The following STK32B variants were observed in gnomAD, a reference collection of about 807,000 sequenced individuals.
STK32B encodes serine/threonine kinase 32B.
Under a neutral mutation model 52.6 loss-of-function variants are expected in STK32B, and 43 were observed. That is an observed-to-expected ratio of 0.82 (90% CI 0.64 to 1.05). The LOEUF is 1.05. Among genes scored for constraint, STK32B ranks in the 50% least tolerant of loss-of-function variants. The probability of loss-of-function intolerance (pLI) is 0.00; values close to 1 mark genes in which losing one functional copy is unlikely to be tolerated. For synonymous variants in STK32B, 238 were observed against 204.3 expected, an observed-to-expected ratio of 1.17 and a Z score of -1.41; for missense variants, 621 against 534.6, an observed-to-expected ratio of 1.16 and a Z score of -1.59.
chr4:5,487,473 C>A (rs1237059815), intron 11 of STK32B, among the ~76,000 whole-genome samples: 1 of 152,182 alleles, frequency 6.6e-6, no homozygotes, highest in African/African-American at 2.4e-5. Flanking sequence ...TTTGAACTCA[C>A]AGCCGAAGCC....
chr4:5,238,960 C>T (rs555371021), intron 3 of STK32B, among the ~76,000 whole-genome samples: 1 of 152,306 alleles, frequency 6.6e-6, no homozygotes. Flanking sequence ...AAGAGGCATT[C>T]CTTAATGCTT....
At chr4:5,194,050 C>T (rs539627254) in intron 3 of STK32B, among the ~76,000 whole-genome samples, 6 of 152,286 alleles carry the variant, frequency 3.9e-5, no homozygotes, top group South Asian at 4.1e-4. Flanking sequence ...TCAGGGAGGC[C>T]GTCCCAAACC....
chr4:5,488,071 A>G (rs1028482491), intron 11 of STK32B, among the ~76,000 whole-genome samples: 7 of 152,186 alleles, frequency 4.6e-5, no homozygotes, highest in African/African-American at 9.6e-5. Flanking sequence ...CAGAGTTACA[A>G]CCTGATAACC....
intron 3 of STK32B, among the ~76,000 whole-genome samples, chr4:5,330,452 A>G (rs747114769): frequency 5.3e-5 from 8 of 152,208 alleles, no homozygotes; most frequent in Non-Finnish European, 1.2e-4. Context: ...AAAACAAAAT[A>G]CCACCCTAAA....
chr4:5,319,321 A>C (rs1473554875), intron 3 of STK32B, among the ~76,000 whole-genome samples: 1 of 152,148 alleles, frequency 6.6e-6, no homozygotes, highest in African/African-American at 2.4e-5. Flanking sequence ...AGGGCTCATC[A>C]CTGCTTACCA....
At position 5,427,626 on chromosome 4, in the gene STK32B, G is replaced by T. The variant is rs184124522; in HGVS notation, c.562+10692G>T. ...AACTAAGTAAATTTAAATAAGATTT[G>T]GTAGTTTATGTCTTTCAAGGAATTT... is the stretch of plus-strand genomic sequence containing the variant. On this transcript the variant is annotated intron_variant, in intron 6 of 11. Transcript: ENST00000282908. 1.0e-3 allele frequency among the ~76,000 whole-genome samples: 159 copies of T among 152,202 alleles called. 1 individual carries two copies. The highest frequency in any genetic ancestry group is 3.7e-3 in the African/African-American group (152 of 41,530).
chr4:5,119,457 T>G lies in STK32B; in HGVS notation c.53-20448T>G, dbSNP rs376368305. Reference sequence around the variant, plus strand: ...TAGTTTGGCCTTTCTCTTAGCAACCTTCTGAAAATGAATGCCTGGGAGCTG... The same window carrying G: ...TAGTTTGGCCTTTCTCTTAGCAACCGTCTGAAAATGAATGCCTGGGAGCTG... On this transcript the variant is annotated intron_variant, in intron 1 of 11. Coordinates refer to ENST00000282908, the MANE Select transcript of STK32B (RefSeq NM_018401.3). Among the ~76,000 whole-genome samples, 8 of 152,346 alleles carry G rather than the reference T, an allele frequency of 5.3e-5. No homozygotes were observed. In the East Asian group the frequency reaches 1.5e-3, roughly 29 times the overall value.
intron 3 of STK32B, among the ~76,000 whole-genome samples, chr4:5,325,998 G>A (rs1166868268): frequency 1.3e-5 from 2 of 152,196 alleles, no homozygotes; most frequent in East Asian, 1.9e-4. Context: ...TGGATCTGCA[G>A]CAAGAAAAAG....
At chr4:5,055,870 T>A (rs965116643) in intron 1 of STK32B, among the ~76,000 whole-genome samples, 3 of 152,224 alleles carry the variant, frequency 2.0e-5, no homozygotes, top group Non-Finnish European at 4.4e-5. Flanking sequence ...TTGCTTTATT[T>A]TTTTTTGTGG....
intron 3 of STK32B, among the ~76,000 whole-genome samples, chr4:5,247,555 C>G (rs1462088041): frequency 6.6e-6 from 1 of 152,202 alleles, no homozygotes; most frequent in Non-Finnish European, 1.5e-5. Context: ...CTTTGGCTCA[C>G]TCATGGTGTA....
chr4:5,387,846 G>T (rs1736355020), intron 4 of STK32B, among the ~76,000 whole-genome samples: 1 of 152,234 alleles, frequency 6.6e-6, no homozygotes, highest in Non-Finnish European at 1.5e-5. Flanking sequence ...CTGGGTTCAA[G>T]TGATTCTCCT....
chr4:5,157,619 A>G (rs1032530755), intron 2 of STK32B, among the ~76,000 whole-genome samples: 3 of 152,254 alleles, frequency 2.0e-5, no homozygotes, highest in Non-Finnish European at 4.4e-5. Context: ...CTGAGGCAGG[A>G]ACAGAGTTAG....
intron 2 of STK32B, among the ~76,000 whole-genome samples, chr4:5,144,430 T>C (rs915273396): frequency 2.0e-5 from 3 of 152,154 alleles, no homozygotes; most frequent in African/African-American, 7.2e-5. Context: ...AAGGGAGACT[T>C]TAACTGAATG....
intron 6 of STK32B, among the ~76,000 whole-genome samples, chr4:5,420,525 C>T (rs928118364): frequency 2.6e-5 from 4 of 152,132 alleles, no homozygotes; most frequent in African/African-American, 9.7e-5. Flanking sequence ...GTAGGGGACC[C>T]AGCAAGAGCA....
chr4:5,300,108 A>G (rs149088188), intron 3 of STK32B, among the ~76,000 whole-genome samples: 1 of 152,348 alleles, frequency 6.6e-6, no homozygotes, highest in African/African-American at 2.4e-5. Context: ...AGTAGGCTTT[A>G]TTCATGGGAT....
chr4:5,168,382 G>A lies in STK32B; in HGVS notation c.192G>A (p.Glu64=). 3 of 1,613,926 alleles carry A rather than the reference G, an allele frequency of 1.9e-6. No individual in the cohort carries two copies. The highest frequency in any genetic ancestry group is 2.2e-5 in the East Asian group (1 of 44,800). ...MNKQKCIERD[E]VRNVFRELQI... ...AGCAGAAGTGCATCGAGAGGGATGA[G>A]GTTCGGAATGTTTTCCGGGAGCTGC... The change falls in exon 3 of 12, where the codon GAG becomes GAA. Residue 64 remains glutamate (E), a synonymous_variant. Coordinates refer to ENST00000282908, the MANE Select transcript of STK32B (RefSeq NM_018401.3).
rs1213375692 is a variant in STK32B at position 5,469,426 on chromosome 4, A to T, written c.1106+1356A>T. 6.6e-6 allele frequency among the ~76,000 whole-genome samples: 1 copy of T among 152,184 alleles called. No homozygotes were observed. Reference sequence around the variant, plus strand: ...GGCGTGCTGGGCCAAGTCCTAAGGGACATGTAGGGGAAAACGCGGCATTCC... The same window carrying T: ...GGCGTGCTGGGCCAAGTCCTAAGGGTCATGTAGGGGAAAACGCGGCATTCC... On this transcript the variant is annotated intron_variant, in intron 11 of 11. Transcript: ENST00000282908. This position sits in a 1 kb window ranked among gnomAD's most constrained non-coding sequence, Gnocchi z 4.7.
rs564968421 is a variant in STK32B at position 5,318,637 on chromosome 4, T to C, written c.261-12583T>C. Among the ~76,000 whole-genome samples, 149 of 152,032 alleles carry C rather than the reference T, an allele frequency of 9.8e-4. 1 individual carries two copies. The highest frequency in any genetic ancestry group is 3.5e-3 in the African/African-American group (144 of 41,468). ...GACCCAGAATCACAGGGTAGGTACTTTCAGACAAGGGAACAGCATAAGAAA... is the reference window on the plus strand; with the variant it reads ...GACCCAGAATCACAGGGTAGGTACTCTCAGACAAGGGAACAGCATAAGAAA... On this transcript the variant is annotated intron_variant, in intron 3 of 11. Transcript: ENST00000282908.
intron 2 of STK32B, 91 bp downstream of exon 2, chr4:5,140,051 G>T: frequency 6.5e-7 from 1 of 1,538,504 alleles, no homozygotes; most frequent in Non-Finnish European, 9.0e-7. Flanking sequence ...GGAATGTTCT[G>T]TTTGACAGTA....
Sources: gnomAD v4.1 joint callset for allele counts (sites outside exome capture counted in the v4.1 genomes callset) on GRCh38, gnomAD v4.1.1 for gene constraint, Gnocchi (gnomAD v3.1) non-coding constraint, MANE v1.5 for transcripts, NCBI Gene and HGNC (gene_info 2026-07-23, HGNC 2026-07-21) for gene names.